Variants in BAIAP2 observed in about 807,000 individuals in gnomAD.
BAIAP2 encodes BAR/IMD domain containing adaptor protein 2.
A neutral mutation model predicts 63.0 loss-of-function variants in BAIAP2; 18 were observed. The observed-to-expected ratio is 0.29, with a 90% CI of 0.20 to 0.42. BAIAP2 has a LOEUF of 0.42. Among genes scored for constraint, BAIAP2 ranks in the 10% least tolerant of loss-of-function variants. The pLI, the probability that BAIAP2 is intolerant of heterozygous loss-of-function variation, is 1.00. For synonymous variants in BAIAP2, 386 were observed against 307.6 expected, an observed-to-expected ratio of 1.25 and a Z score of -2.67; for missense variants, 610 against 734.3, an observed-to-expected ratio of 0.83 and a Z score of 1.96.
At chr17:81,050,477 G>A (rs931458607) in intron 1 of BAIAP2, among the ~76,000 whole-genome samples, 3 of 152,234 alleles carry the variant, frequency 2.0e-5, no homozygotes, top group African/African-American at 7.2e-5. Flanking sequence ...ACCCGCCGTG[G>A]TTGGCCCTGG....
chr17:81,095,178 C>T (rs1163925212), intron 6 of BAIAP2, among the ~76,000 whole-genome samples: 1 of 152,024 alleles, frequency 6.6e-6, no homozygotes, highest in East Asian at 1.9e-4. Flanking sequence ...GGTGGCTCAG[C>T]GGCGGGCGGG....
intron 13 of BAIAP2, chr17:81,109,372 T>TAAAAAAAAAAAAAAAAAAAA (rs747875777): frequency 2.6e-6 from 2 of 757,160 alleles, no homozygotes; most frequent in Non-Finnish European, 3.1e-6. Flanking sequence ...AGAAAAATCT[T>TAAAAAAAAAAAAAAAAAAAA]AAAAAAAAAA....
rs1033310699 is a variant in BAIAP2 at position 81,048,034 on chromosome 17, C to A, written c.55-5634C>A. On this transcript the variant is annotated intron_variant, in intron 1 of 13. Coordinates refer to ENST00000428708, the MANE Select transcript of BAIAP2 (RefSeq NM_001144888.2). Reference sequence around the variant, plus strand: ...GAGACTGCTTTTGTTTGTGGCCATCCTGCCAGGAAAGCGCTGGAGAGGCGG... The same window carrying A: ...GAGACTGCTTTTGTTTGTGGCCATCATGCCAGGAAAGCGCTGGAGAGGCGG... 2.0e-5 allele frequency among the ~76,000 whole-genome samples: 3 copies of A among 152,254 alleles called. No homozygotes were observed. In the East Asian group the frequency reaches 5.8e-4, roughly 29 times the overall value.
In BAIAP2 at chr17:81,065,064, C is replaced by T. The variant is rs548711703; in HGVS notation, c.217+7097C>T. Among the ~76,000 whole-genome samples the T allele has an allele frequency of 2.0e-5, 3 of 152,320 alleles. No individual in the cohort carries two copies. In the South Asian group the frequency reaches 6.2e-4, roughly 32 times the overall value. On this transcript the variant is annotated intron_variant, in intron 3 of 13. Transcript: ENST00000428708. The stretch of plus-strand genomic sequence containing the variant: ...CGGGGCACACCCACTGCTCTCAAAG[C>T]CCCTGAGCCAGTGCCTGGGTTAGAC...
At chr17:81,041,367 G>GGC (rs2047048027) in intron 1 of BAIAP2, among the ~76,000 whole-genome samples, 3 of 152,206 alleles carry the variant, frequency 2.0e-5, no homozygotes, top group Non-Finnish European at 4.4e-5. Flanking sequence ...CACTCTGATG[G>GGC]GCAGGGGTGG....
Position 81,116,468 on chromosome 17 carries a change from A to T in BAIAP2, c.*629A>T. ...GCCCCTCCTGCCTCGGGCAGGCCCC[A>T]GCCCTCCTCCTTACCCAACCTCCCA... On this transcript the variant is annotated 3_prime_UTR_variant, in exon 14 of 14. Transcript: ENST00000428708. The T allele has an allele frequency of 2.2e-6, 2 of 918,990 alleles. No homozygotes were observed. The highest frequency in any genetic ancestry group is 1.7e-5 in the South Asian group (1 of 58,820). The allele number at this position is 918,990 out of a possible 1,614,324, so 56.9% of individuals were successfully genotyped here.
chr17:81,050,709 GCA>G (rs903640310), intron 1 of BAIAP2, among the ~76,000 whole-genome samples: 5 of 80,374 alleles, frequency 6.2e-5, no homozygotes, highest in South Asian at 3.1e-4. Context: ...CTGCAGCTCA[GCA>G]CACACACGCA....
chr17:81,038,828 C>T (rs1345432027), intron 1 of BAIAP2, among the ~76,000 whole-genome samples: 3 of 152,034 alleles, frequency 2.0e-5, no homozygotes, highest in African/African-American at 4.8e-5. Flanking sequence ...CATTTGGAGA[C>T]GGTGGGGGGT....
At chr17:81,115,734 C>T (rs41292400) in intron 13 of BAIAP2, 36 bp from the exon 14 acceptor site, 71,615 of 1,612,794 alleles carry the variant, frequency 0.044, 1,765 homozygotes, top group Non-Finnish European at 0.051. Context: ...CCATGGCTTC[C>T]GCCCTAAAAA....
chr17:81,108,780 G>C, intron 13 of BAIAP2: 1 of 1,007,474 alleles, frequency 9.9e-7, no homozygotes, highest in South Asian at 1.7e-5. Flanking sequence ...GCTGAGGCTG[G>C]CATCCATGGC....
chr17:81,038,386 AGTGT>A (rs1220956747), intron 1 of BAIAP2, among the ~76,000 whole-genome samples: 3 of 152,108 alleles, frequency 2.0e-5, no homozygotes, highest in African/African-American at 7.2e-5. Flanking sequence ...CATGACCTGG[AGTGT>A]GGCGGCTCCA....
intron 1 of BAIAP2, among the ~76,000 whole-genome samples, chr17:81,048,143 G>A (rs933118149): frequency 1.3e-5 from 2 of 152,226 alleles, no homozygotes; most frequent in African/African-American, 4.8e-5. Context: ...CCAGCACTTT[G>A]GGAGGCTGAG....
At chr17:81,077,574 AAAAG>A (rs2053863786) in intron 3 of BAIAP2, among the ~76,000 whole-genome samples, 1 of 152,122 alleles carries the variant, frequency 6.6e-6, no homozygotes, top group Non-Finnish European at 1.5e-5. Context: ...AAAAAAAAAA[AAAAG>A]TAAAAATGGT....
chr17:81,069,501 G>A (rs1440591234), intron 3 of BAIAP2, among the ~76,000 whole-genome samples: 1 of 152,212 alleles, frequency 6.6e-6, no homozygotes, highest in African/African-American at 2.4e-5. Flanking sequence ...GGCGGCCCCC[G>A]CTCATGCCAT....
intron 3 of BAIAP2, among the ~76,000 whole-genome samples, chr17:81,071,538 TC>T (rs1285698338): frequency 1.3e-5 from 2 of 152,176 alleles, no homozygotes; most frequent in East Asian, 3.8e-4. Flanking sequence ...GAGCCCCTCT[TC>T]CACCAGCAGA....
chr17:81,053,658 T>C lies in BAIAP2; in HGVS notation c.55-10T>C, dbSNP rs1220096072. ...GCCAGTAATGCTGTTTCTTCTCTGC[T>C]TTCTTCCAGACCATCATGGAGCAGT... On this transcript the variant is annotated splice_polypyrimidine_tract_variant and intron_variant, in intron 1 of 13. Coordinates refer to ENST00000428708, the MANE Select transcript of BAIAP2 (RefSeq NM_001144888.2). 3 of 1,614,074 alleles carry C rather than the reference T, an allele frequency of 1.9e-6. No individual in the cohort carries two copies. The Admixed American group carries it at 5.0e-5, about 27-fold the overall frequency.
chr17:81,088,430 G>C (rs1333115964), intron 6 of BAIAP2, among the ~76,000 whole-genome samples: 1 of 152,234 alleles, frequency 6.6e-6, no homozygotes, highest in Non-Finnish European at 1.5e-5. Flanking sequence ...CATTTCACGG[G>C]CACAGTCCAG....
rs373755854 is a variant in BAIAP2 at position 81,104,590 on chromosome 17, C to T, written c.1143C>T (p.Ala381=). The T allele has an allele frequency of 1.2e-5, 20 of 1,612,158 alleles. No homozygotes were observed. The highest frequency in any genetic ancestry group is 1.7e-5 in the Non-Finnish European group (20 of 1,179,902). The change falls in exon 10 of 14, where the codon GCC becomes GCT. Residue 381 remains alanine, a synonymous_variant. Coordinates refer to ENST00000428708, the MANE Select transcript of BAIAP2 (RefSeq NM_001144888.2). ...LERNGRMRVK[A]IFSHAAGDNS... is the part of the protein sequence containing the mutation. ...GCAATGGCCGTATGCGGGTGAAGGC[C>T]ATCTTCTCCCACGCTGCTGGGGACA...
intron 3 of BAIAP2, among the ~76,000 whole-genome samples, chr17:81,062,469 C>G (rs1254715661): frequency 2.0e-5 from 3 of 152,136 alleles, no homozygotes; most frequent in African/African-American, 7.2e-5. Flanking sequence ...CGAATTTCTC[C>G]CCACAGCCTC....
Sources: allele counts gnomAD v4.1 joint callset (sites outside exome capture counted in the v4.1 genomes callset), GRCh38; gene constraint gnomAD v4.1.1; transcripts MANE v1.5; gene names NCBI Gene and HGNC (gene_info 2026-07-23, HGNC 2026-07-21).